PDE4D: variants seen among roughly 807,000 people sequenced by gnomAD.
PDE4D encodes the protein phosphodiesterase 4D.
A neutral mutation model predicts 87.4 loss-of-function variants in PDE4D; 24 were observed. The ratio of observed to expected loss-of-function variants is 0.27; its 90% CI spans 0.20 to 0.39. The LOEUF is 0.39. PDE4D is among the 10% of genes least tolerant of loss of function. The pLI is 1.00. For synonymous variants in PDE4D, 384 were observed against 383.2 expected, an observed-to-expected ratio of 1.00 and a Z score of -0.02; for missense variants, 714 against 1,041.0, an observed-to-expected ratio of 0.69 and a Z score of 4.32.
At chr5:60,197,085 A>ATAGACAGACAGT (rs1741350100) in intron 1 of PDE4D, among the ~76,000 whole-genome samples, 2 of 132,756 alleles carry the variant, frequency 1.5e-5, no homozygotes, top group Non-Finnish European at 3.2e-5. Context: ...AGTTAGATAG[A>ATAGACAGACAGT]TAGATAGATA....
chr5:60,319,176 G>T (rs934182579), intron 1 of PDE4D, among the ~76,000 whole-genome samples: 2 of 152,124 alleles, frequency 1.3e-5, no homozygotes, highest in Admixed American at 6.5e-5. Flanking sequence ...TGGAGGCTTT[G>T]TTTGTTTCTG....
intron 1 of PDE4D, among the ~76,000 whole-genome samples, chr5:59,391,247 GA>G (rs1788175086): frequency 6.6e-6 from 1 of 152,266 alleles, no homozygotes. Context: ...GAGGGAGTCA[GA>G]AGAAGAGTTT....
At chr5:59,799,324 T>C (rs1766853630) in intron 1 of PDE4D, among the ~76,000 whole-genome samples, 1 of 152,188 alleles carries the variant, frequency 6.6e-6, no homozygotes, top group Admixed American at 6.5e-5. Context: ...TAAATGCTTA[T>C]GTGTAATGAT....
At chr5:59,036,725 A>G (rs1758582171) in intron 6 of PDE4D, among the ~76,000 whole-genome samples, 1 of 152,234 alleles carries the variant, frequency 6.6e-6, no homozygotes, top group Non-Finnish European at 1.5e-5. Flanking sequence ...GAAGACACGA[A>G]TGGCTTGGAC....
intron 2 of PDE4D, among the ~76,000 whole-genome samples, chr5:60,133,110 A>G (rs1779728129): frequency 6.6e-6 from 1 of 152,192 alleles, no homozygotes; most frequent in African/African-American, 2.4e-5. Flanking sequence ...TGGCTCTGCT[A>G]TAAACTGTGT....
At chr5:60,010,389 A>C (rs578040571) in intron 2 of PDE4D, among the ~76,000 whole-genome samples, 1 of 152,316 alleles carries the variant, frequency 6.6e-6, no homozygotes, top group East Asian at 1.9e-4. Flanking sequence ...ACATTCATAC[A>C]AAATTGATAA....
intron 1 of PDE4D, among the ~76,000 whole-genome samples, chr5:59,221,668 A>G (rs1181153392): frequency 6.6e-6 from 1 of 152,138 alleles, no homozygotes; most frequent in African/African-American, 2.4e-5. Flanking sequence ...ACATTTTGGA[A>G]TTTGCCAAAT....
At chr5:59,801,620 A>G (rs896907170) in intron 1 of PDE4D, among the ~76,000 whole-genome samples, 1 of 152,230 alleles carries the variant, frequency 6.6e-6, no homozygotes, top group Non-Finnish European at 1.5e-5. Flanking sequence ...ATAGACACAG[A>G]GTCATTACAA....
At position 59,702,417 on chromosome 5, in the gene PDE4D, C is replaced by T. The variant is rs909556550; in HGVS notation, c.455+190751G>A. On this transcript the variant is annotated intron_variant, in intron 1 of 14. Coordinates refer to ENST00000340635, the MANE Select transcript of PDE4D (RefSeq NM_001104631.2). Reference sequence around the variant, plus strand: ...CTGGGATTACAGGTGTGAGCCACTGCGCCTGGCCAATTATTCCCTACTTTT... The same window carrying T: ...CTGGGATTACAGGTGTGAGCCACTGTGCCTGGCCAATTATTCCCTACTTTT... Among the ~76,000 whole-genome samples, 8 of 152,140 alleles carry T rather than the reference C, an allele frequency of 5.3e-5. 1 individual carries two copies. The highest frequency in any genetic ancestry group is 1.9e-4 in the African/African-American group (8 of 41,494).
At chr5:59,884,255 T>C (rs919416938) in intron 1 of PDE4D, among the ~76,000 whole-genome samples, 12 of 151,950 alleles carry the variant, frequency 7.9e-5, no homozygotes, top group Middle Eastern at 3.2e-3. Context: ...TCTCTCACTC[T>C]ACATATATAT....
At chr5:60,104,930 C>T (rs914485261) in intron 2 of PDE4D, among the ~76,000 whole-genome samples, 4 of 152,174 alleles carry the variant, frequency 2.6e-5, no homozygotes, top group Admixed American at 2.0e-4. Context: ...AGCAGAAAAA[C>T]TGGAAACTCT....
intron 1 of PDE4D, among the ~76,000 whole-genome samples, chr5:60,499,767 G>A (rs1035845003): frequency 2.0e-4 from 30 of 152,174 alleles, no homozygotes; most frequent in African/African-American, 7.2e-4. Context: ...GCGAGACAGG[G>A]AGAGTTGCAC....
intron 1 of PDE4D, among the ~76,000 whole-genome samples, chr5:59,325,677 G>A (rs928485156): frequency 7.2e-5 from 11 of 152,126 alleles, no homozygotes; most frequent in African/African-American, 1.2e-4. Flanking sequence ...GAGATAATTC[G>A]TATAAGGTAG....
chr5:59,408,130 T>G (rs1433079050), intron 1 of PDE4D, among the ~76,000 whole-genome samples: 1 of 152,190 alleles, frequency 6.6e-6, no homozygotes, highest in Admixed American at 6.5e-5. Flanking sequence ...AGGCAGCTCC[T>G]CCCACCACAG....
intron 1 of PDE4D, among the ~76,000 whole-genome samples, chr5:59,848,904 T>A (rs256353): frequency 0.44 from 67,012 of 151,636 alleles, 18,946 homozygotes; most frequent in African/African-American, 0.8. Flanking sequence ...TTTCGTTGAC[T>A]GAGGTGGTGA....
At chr5:59,734,604 T>C (rs1406470670) in intron 1 of PDE4D, among the ~76,000 whole-genome samples, 2 of 152,114 alleles carry the variant, frequency 1.3e-5, no homozygotes, top group Non-Finnish European at 2.9e-5. Context: ...ATTTTCTAGA[T>C]AGATATGAGA....
chr5:60,277,323 G>A (rs1315777093), intron 1 of PDE4D, among the ~76,000 whole-genome samples: 1 of 152,012 alleles, frequency 6.6e-6, no homozygotes, highest in Non-Finnish European at 1.5e-5. Context: ...CAAAAAAGAA[G>A]AAGTAAAATT....
At chr5:60,278,859 A>G (rs1056247483) in intron 1 of PDE4D, among the ~76,000 whole-genome samples, 1 of 151,988 alleles carries the variant, frequency 6.6e-6, no homozygotes, top group Non-Finnish European at 1.5e-5. Context: ...CTATTTTAAA[A>G]CTGTTGTCAA....
At chr5:60,480,308 A>G (rs1469552201) in intron 1 of PDE4D, among the ~76,000 whole-genome samples, 1 of 152,164 alleles carries the variant, frequency 6.6e-6, no homozygotes, top group East Asian at 1.9e-4. Context: ...CCCAAATAAT[A>G]ATAAGATGAC....
Sources: gnomAD v4.1 joint callset for allele counts (sites outside exome capture counted in the v4.1 genomes callset) on GRCh38, gnomAD v4.1.1 for gene constraint, MANE v1.5 for transcripts, NCBI Gene and HGNC (gene_info 2026-07-23, HGNC 2026-07-21) for gene names.